The following SVIL variants were observed in gnomAD, a reference collection of about 807,000 sequenced individuals.
SVIL encodes archvillin.
SVIL carries 101 observed loss-of-function variants against 240.4 expected under a neutral mutation model. The observed-to-expected ratio is 0.42, with a 90% confidence interval of 0.36 to 0.50. The LOEUF is 0.50. SVIL is among the 20% of genes least tolerant of loss of function. The pLI, the probability that SVIL is intolerant of heterozygous loss-of-function variation, is 0.01. For missense variants in SVIL, 2,512 were observed against 2,818.7 expected, an observed-to-expected ratio of 0.89 and a Z score of 2.46; for synonymous variants, 999 against 1,100.0, an observed-to-expected ratio of 0.91 and a Z score of 1.82.
intron 3 of SVIL, among the ~76,000 whole-genome samples, chr10:29,655,284 T>C (rs373737091): frequency 9.2e-5 from 14 of 152,156 alleles, no homozygotes; most frequent in African/African-American, 2.9e-4. Context: ...GGGAAGTCAA[T>C]AGTGCAGCCT....
chr10:29,671,095 A>G (rs769369605), intron 2 of SVIL: 3 of 152,080 alleles, frequency 2.0e-5, no homozygotes, highest in Non-Finnish European at 2.9e-5. Flanking sequence ...CTTTTCATCT[A>G]TTTCCTCTGT....
chr10:29,726,129 C>A (rs996836704), intron 1 of SVIL, among the ~76,000 whole-genome samples: 1 of 151,902 alleles, frequency 6.6e-6, no homozygotes, highest in Admixed American at 6.6e-5. Flanking sequence ...ACTAAGTTGC[C>A]CAGGCTGGTC....
chr10:29,508,481 T>C, intron 17 of SVIL: 1 of 1,110,818 alleles, frequency 9.0e-7, no homozygotes, highest in Non-Finnish European at 1.2e-6. Flanking sequence ...ATTTCATGCC[T>C]GGGTTCAAAC....
At chr10:29,586,117 T>C (rs1390067325) in intron 1 of SVIL, among the ~76,000 whole-genome samples, 1 of 152,190 alleles carries the variant, frequency 6.6e-6, no homozygotes, top group African/African-American at 2.4e-5. Context: ...ACAGGTTCCG[T>C]TGGGAAAACG....
At chr10:29,530,703 T>A in intron 10 of SVIL, 35 bp from the exon 11 acceptor site, 1 of 1,613,206 alleles carries the variant, frequency 6.2e-7, no homozygotes, top group East Asian at 2.2e-5. Context: ...CTGGACATCA[T>A]TAGAGAAGGT....
chr10:29,650,083 T>C (rs542471719), intron 3 of SVIL, among the ~76,000 whole-genome samples: 1 of 152,284 alleles, frequency 6.6e-6, no homozygotes, highest in Admixed American at 6.5e-5. Flanking sequence ...AAATAAACTT[T>C]TATTGTTTCT....
intron 1 of SVIL, among the ~76,000 whole-genome samples, chr10:29,733,895 G>A (rs1964759081): frequency 6.6e-6 from 1 of 152,218 alleles, no homozygotes; most frequent in Admixed American, 6.5e-5. Flanking sequence ...TATAAAAGTT[G>A]TGGATACAAC....
At chr10:29,669,122 G>A (rs1218307422) in intron 2 of SVIL, among the ~76,000 whole-genome samples, 1 of 152,202 alleles carries the variant, frequency 6.6e-6, no homozygotes, top group African/African-American at 2.4e-5. Flanking sequence ...CAGGGAAGGG[G>A]AAGTAGATTA....
chr10:29,485,673 T>C (rs1947325579), intron 26 of SVIL, among the ~76,000 whole-genome samples: 1 of 152,240 alleles, frequency 6.6e-6, no homozygotes. Context: ...ATGTAATTAA[T>C]AAATATTTAC....
intron 32 of SVIL, among the ~76,000 whole-genome samples, chr10:29,468,098 C>T (rs575347214): frequency 6.6e-6 from 1 of 152,178 alleles, no homozygotes; most frequent in Admixed American, 6.5e-5. Flanking sequence ...GAAGAAGAAG[C>T]CCTGTACCCG....
At chr10:29,729,587 G>A (rs1213711674) in intron 1 of SVIL, among the ~76,000 whole-genome samples, 2 of 150,978 alleles carry the variant, frequency 1.3e-5, no homozygotes, top group African/African-American at 4.9e-5. Context: ...TGTAATCCCA[G>A]CACTTTGGGA....
At chr10:29,708,421 G>GT (rs1762937994) in intron 1 of SVIL, among the ~76,000 whole-genome samples, 2 of 151,556 alleles carry the variant, frequency 1.3e-5, no homozygotes, top group Non-Finnish European at 2.9e-5. Context: ...AGGAGTTCAA[G>GT]ACCAGCCTGG....
chr10:29,579,639 G>A (rs1347412923), intron 1 of SVIL, among the ~76,000 whole-genome samples: 17 of 152,114 alleles, frequency 1.1e-4, no homozygotes, highest in Non-Finnish European at 2.2e-4. Context: ...AGGTCACAGC[G>A]GCAGCTCAGA....
chr10:29,507,550 C>CACACTCAGAA (rs1216844913), intron 17 of SVIL, among the ~76,000 whole-genome samples: 1 of 119,850 alleles, frequency 8.3e-6, no homozygotes, highest in African/African-American at 3.5e-5. Flanking sequence ...CTCACAGATA[C>CACACTCAGAA]ACACTCATAG....
At chr10:29,542,130 G>T (rs1264552977) in intron 6 of SVIL, among the ~76,000 whole-genome samples, 2 of 152,306 alleles carry the variant, frequency 1.3e-5, no homozygotes, top group Non-Finnish European at 2.9e-5. Flanking sequence ...AACACAATTT[G>T]CATTTGGGTG....
chr10:29,573,784 C>G (rs564066028), intron 1 of SVIL, among the ~76,000 whole-genome samples: 3 of 152,106 alleles, frequency 2.0e-5, no homozygotes, highest in Non-Finnish European at 4.4e-5. Context: ...CAACCTCCAC[C>G]TCCCGGGTTC....
chr10:29,610,448 ATT>A lies in SVIL; in HGVS notation c.-201+23970_-201+23971del, dbSNP rs113668853. On this transcript the variant is annotated intron_variant, in intron 1 of 37. Coordinates refer to ENST00000355867, the MANE Select transcript of SVIL (RefSeq NM_021738.3). ...CCCAAACAAGCTCCATTCACTCTGC[ATT>A]TTTTTTTTTTTTTTTTTGAGACAGG... Among the ~76,000 whole-genome samples the A allele has an allele frequency of 4.1e-3, 556 of 137,194 alleles. 4 individuals are homozygous for A. Among genetic ancestry groups the A allele is most frequent in the African/African-American group, 0.013 (468 of 36,998 alleles). The allele number at this position is 137,194 out of a possible 152,430, so 90.0% of individuals were successfully genotyped here.
chr10:29,697,035 C>T (rs1364709385), intron 1 of SVIL, among the ~76,000 whole-genome samples: 6 of 137,560 alleles, frequency 4.4e-5, no homozygotes, highest in Admixed American at 1.4e-4. Flanking sequence ...GCCCCCCGCC[C>T]GGCCAGCCGC....
At chr10:29,678,767 G>A (rs1028668993) in intron 2 of SVIL, among the ~76,000 whole-genome samples, 2 of 152,192 alleles carry the variant, frequency 1.3e-5, no homozygotes, top group Non-Finnish European at 2.9e-5. Flanking sequence ...ATGTGTGGGG[G>A]ATATTAAAAC....
Sources: allele counts gnomAD v4.1 joint callset (sites outside exome capture counted in the v4.1 genomes callset), GRCh38; gene constraint gnomAD v4.1.1; transcripts MANE v1.5; gene names NCBI Gene and HGNC (gene_info 2026-07-23, HGNC 2026-07-21).